Variants in UBE2E1 observed in about 807,000 individuals in gnomAD.
UBE2E1 encodes ubiquitin-conjugating enzyme E2 E1.
UBE2E1 carries 6 observed loss-of-function variants against 21.4 expected under a neutral mutation model. The observed-to-expected ratio is 0.28, with a 90% CI of 0.15 to 0.55. The LOEUF (loss-of-function observed/expected upper bound fraction) is 0.55. UBE2E1 is among the 20% of genes least tolerant of loss of function. The pLI is 0.93. For missense variants in UBE2E1, 142 were observed against 236.5 expected (o/e 0.60, Z 2.62); for synonymous variants, 87 against 82.7 (o/e 1.05, Z -0.28).
At chr3:23,813,958 A>G (rs1335321823) in intron 3 of UBE2E1, among the ~76,000 whole-genome samples, 2 of 152,242 alleles carry the variant, frequency 1.3e-5, no homozygotes, top group African/African-American at 4.8e-5. Flanking sequence ...AATGAGTTAA[A>G]TAATTGGTTT....
At position 23,806,479 on chromosome 3, in the gene UBE2E1, T is replaced by A. The variant is rs1173387663; in HGVS notation, c.-34+391T>A. Among the ~76,000 whole-genome samples the A allele has an allele frequency of 1.3e-5, 2 of 151,416 alleles. No homozygotes were observed. Among genetic ancestry groups the A allele is most frequent in the African/African-American group, 2.4e-5 (1 of 41,232 alleles). On this transcript the variant is annotated intron_variant, in intron 1 of 5. Transcript: ENST00000306627. This position sits in a 1 kb window ranked among gnomAD's most constrained non-coding sequence, Gnocchi z 6.5. Reference sequence around the variant, plus strand: ...ATTAACCCCTCCGGGGCGGAAGGGCTCATTGTTATGTCTTCGCTGCGGAGG... The same window carrying A: ...ATTAACCCCTCCGGGGCGGAAGGGCACATTGTTATGTCTTCGCTGCGGAGG...
At chr3:23,866,156 C>G (rs752245181) in intron 3 of UBE2E1, 1 of 152,620 alleles carries the variant, frequency 6.6e-6, no homozygotes, top group Non-Finnish European at 1.5e-5. Flanking sequence ...TCCAGGCCAG[C>G]CGGGGCCAAG....
At chr3:23,875,450 TTC>T (rs1700894937) in intron 3 of UBE2E1, among the ~76,000 whole-genome samples, 4 of 152,210 alleles carry the variant, frequency 2.6e-5, no homozygotes, top group Admixed American at 2.6e-4. Context: ...GACAAATCTA[TTC>T]TCTTCCTGGT....
intron 3 of UBE2E1, among the ~76,000 whole-genome samples, chr3:23,844,213 T>G (rs1160446340): frequency 6.6e-6 from 1 of 152,188 alleles, no homozygotes; most frequent in Non-Finnish European, 1.5e-5. Context: ...CCTGCTTGTT[T>G]ATTTTATTCT....
chr3:23,872,930 T>C (rs1421057104), intron 3 of UBE2E1, among the ~76,000 whole-genome samples: 1 of 151,996 alleles, frequency 6.6e-6, no homozygotes, highest in Non-Finnish European at 1.5e-5. Flanking sequence ...GGCAGGAGAA[T>C]TGCTTGAACC....
chr3:23,878,081 C>G (rs1335101163), intron 3 of UBE2E1, among the ~76,000 whole-genome samples: 1 of 152,124 alleles, frequency 6.6e-6, no homozygotes, highest in Non-Finnish European at 1.5e-5. Flanking sequence ...GGTCAAATGT[C>G]ACAACTGTGT....
At position 23,839,339 on chromosome 3, in the gene UBE2E1, A is replaced by G. The variant is rs542640944; in HGVS notation, c.203+27829A>G. ...ATTAGCCGGGCATGGTGACATGCGC[A>G]TGTAGTCTCAGCTACTTGGGAGGCT... is the stretch of plus-strand genomic sequence containing the variant. On this transcript the variant is annotated intron_variant, in intron 3 of 5. Transcript: ENST00000306627. 3.9e-5 allele frequency among the ~76,000 whole-genome samples: 6 copies of G among 151,986 alleles called. No individual in the cohort carries two copies. In the South Asian group the frequency reaches 1.2e-3, roughly 32 times the overall value.
Position 23,863,862 on chromosome 3 carries a change from C to T in UBE2E1, c.204-23705C>T, listed in dbSNP as rs1700602533. ...TATCTTTTTTGAAGAAATCTCTCCC[C>T]AGAGCCATCTGACCTCTTCTGGTTT... On this transcript the variant is annotated intron_variant, in intron 3 of 5. Transcript: ENST00000306627. The surrounding 1 kb of genome is among the most constrained non-coding windows in gnomAD (Gnocchi z 4.3). 6.6e-6 allele frequency among the ~76,000 whole-genome samples: 1 copy of T among 152,174 alleles called. No individual in the cohort carries two copies. The highest frequency in any genetic ancestry group is 1.5e-5 in the Non-Finnish European group (1 of 68,036).
chr3:23,872,381 G>GGGGAGA (rs562975927), intron 3 of UBE2E1, among the ~76,000 whole-genome samples: 10 of 149,318 alleles, frequency 6.7e-5, no homozygotes, highest in Admixed American at 2.0e-4. Context: ...GGAGGGGGAG[G>GGGGAGA]GGGAGAGGGA....
chr3:23,833,058 A>G (rs1330996425), intron 3 of UBE2E1, among the ~76,000 whole-genome samples: 1 of 152,172 alleles, frequency 6.6e-6, no homozygotes, highest in African/African-American at 2.4e-5. Context: ...AAAGAAAAAT[A>G]TAAAGTATTC....
At chr3:23,886,756 C>A (rs977688341) in intron 3 of UBE2E1, among the ~76,000 whole-genome samples, 1 of 152,194 alleles carries the variant, frequency 6.6e-6, no homozygotes, top group East Asian at 1.9e-4. Context: ...ACATTTAACC[C>A]TCTGCCTAGT....
Position 23,889,630 on chromosome 3 carries a change from T to G in UBE2E1, c.484+371T>G, listed in dbSNP as rs1310566286. Reference sequence around the variant, plus strand: ...GCCTGGCAAGCCTCACCTGTGCCTCTGGGGTTCAGTGAGCATGTGTCCCAT... The same window carrying G: ...GCCTGGCAAGCCTCACCTGTGCCTCGGGGGTTCAGTGAGCATGTGTCCCAT... On this transcript the variant is annotated intron_variant, in intron 5 of 5. Transcript: ENST00000306627. 6 of 985,228 alleles carry G rather than the reference T, an allele frequency of 6.1e-6. No homozygotes were observed. The South Asian group carries it at 1.4e-4, about 23-fold the overall frequency. 61.0% of individuals were successfully genotyped at this position (985,228 alleles called of 1,614,324 possible).
chr3:23,862,890 TAATTTTTA>T (rs1700584632), intron 3 of UBE2E1, among the ~76,000 whole-genome samples: 1 of 152,128 alleles, frequency 6.6e-6, no homozygotes, highest in South Asian at 2.1e-4. Flanking sequence ...CACACTCAGC[TAATTTTTA>T]AATTTTTTGT....
At chr3:23,878,022 A>G (rs1452079746) in intron 3 of UBE2E1, among the ~76,000 whole-genome samples, 1 of 152,118 alleles carries the variant, frequency 6.6e-6, no homozygotes, top group African/African-American at 2.4e-5. Context: ...TGCTGTCCGC[A>G]TGTCTCTTTT....
In UBE2E1 at chr3:23,863,529, T is replaced by A. The variant is rs1402363473; in HGVS notation, c.204-24038T>A. Among the ~76,000 whole-genome samples the A allele has an allele frequency of 6.6e-6, 1 of 152,134 alleles. No homozygotes were observed. Among genetic ancestry groups the A allele is most frequent in the Non-Finnish European group, 1.5e-5 (1 of 68,024 alleles). ...ATGCATAGGTTTTATATAAATTTTA[T>A]TTTACTTTTTATTTTTTTGAGACGG... On this transcript the variant is annotated intron_variant, in intron 3 of 5. Coordinates refer to ENST00000306627, the MANE Select transcript of UBE2E1 (RefSeq NM_003341.5). This position sits in a 1 kb window ranked among gnomAD's most constrained non-coding sequence, Gnocchi z 4.3.
At chr3:23,858,316 A>C (rs1700482322) in intron 3 of UBE2E1, among the ~76,000 whole-genome samples, 1 of 152,006 alleles carries the variant, frequency 6.6e-6, no homozygotes, top group Non-Finnish European at 1.5e-5. Context: ...CAAAATATGA[A>C]GAAGTTTATT....
intron 4 of UBE2E1, among the ~76,000 whole-genome samples, chr3:23,888,006 G>C (rs1038385338): frequency 2.6e-5 from 4 of 152,068 alleles, no homozygotes; most frequent in African/African-American, 9.7e-5. Flanking sequence ...AACCTTTCTC[G>C]AGGTTAAAAA....
rs1453587710 is a variant in UBE2E1, at chr3:23,806,533, C to G, written c.-34+445C>G. On this transcript the variant is annotated intron_variant, in intron 1 of 5. Transcript: ENST00000306627. The surrounding 1 kb of genome is among the most constrained non-coding windows in gnomAD (Gnocchi z 6.5). ...ACCCCCCCATTCCCCGCCGCAGCCC[C>G]TATCCCCCTACAGGAGTGGCGATCG... 1.3e-5 allele frequency among the ~76,000 whole-genome samples: 2 copies of G among 151,854 alleles called. No individual in the cohort carries two copies. Among genetic ancestry groups the G allele is most frequent in the Non-Finnish European group, 2.9e-5 (2 of 67,866 alleles).
rs1040736842 is a variant in UBE2E1, at chr3:23,806,511, C to T, written c.-34+423C>T. ...TATGTCTTCGCTGCGGAGGCCGACCCCCCCATTCCCCGCCGCAGCCCCTAT... is the reference window on the plus strand; with the variant it reads ...TATGTCTTCGCTGCGGAGGCCGACCTCCCCATTCCCCGCCGCAGCCCCTAT... On this transcript the variant is annotated intron_variant, in intron 1 of 5. Transcript: ENST00000306627. The surrounding 1 kb of genome is among the most constrained non-coding windows in gnomAD (Gnocchi z 6.5). 1.3e-5 allele frequency among the ~76,000 whole-genome samples: 2 copies of T among 151,738 alleles called. No homozygotes were observed. The highest frequency in any genetic ancestry group is 6.6e-5 in the Admixed American group (1 of 15,266).
Sources: allele counts gnomAD v4.1 joint callset (sites outside exome capture counted in the v4.1 genomes callset), GRCh38; gene constraint gnomAD v4.1.1; non-coding constraint Gnocchi (gnomAD v3.1); transcripts MANE v1.5; gene names NCBI Gene and HGNC (gene_info 2026-07-23, HGNC 2026-07-21).